Variants in TRIM2 observed in about 807,000 individuals in gnomAD.
TRIM2 encodes tripartite motif containing 2, also known as tripartite motif-containing protein 2.
Under a neutral mutation model 75.2 loss-of-function variants are expected in TRIM2, and 20 were observed. The observed-to-expected ratio is 0.27, with a 90% CI of 0.19 to 0.39. TRIM2 has a LOEUF of 0.39. Ranked by LOEUF, TRIM2 falls within the 10% of genes least tolerant of loss-of-function variation. The pLI is 1.00. For missense variants in TRIM2, 660 were observed against 990.8 expected, an observed-to-expected ratio of 0.67 and a Z score of 4.48; for synonymous variants, 373 against 388.3, an observed-to-expected ratio of 0.96 and a Z score of 0.46.
At chr4:153,272,181 C>T (rs568513180) in intron 2 of TRIM2, among the ~76,000 whole-genome samples, 12 of 152,152 alleles carry the variant, frequency 7.9e-5, no homozygotes, top group Non-Finnish European at 1.8e-4. Context: ...TGGAGTCGCA[C>T]TCTGTTGCCC....
At chr4:153,192,547 C>T (rs1055093655) in intron 1 of TRIM2, among the ~76,000 whole-genome samples, 4 of 144,882 alleles carry the variant, frequency 2.8e-5, no homozygotes, top group African/African-American at 5.2e-5. Flanking sequence ...GTCAAGTTTA[C>T]GGTGAGCCAT....
chr4:153,225,671 G>T (rs1165120318), intron 1 of TRIM2, among the ~76,000 whole-genome samples: 2 of 152,098 alleles, frequency 1.3e-5, no homozygotes. Context: ...AGATAAATAG[G>T]TAGAGAGGAA....
At chr4:153,292,416 A>C (rs903646476) in intron 3 of TRIM2, among the ~76,000 whole-genome samples, 2 of 152,182 alleles carry the variant, frequency 1.3e-5, no homozygotes, top group Admixed American at 1.3e-4. Flanking sequence ...ATACTTTAAA[A>C]TTTTTATCCG....
chr4:153,257,500 TTC>T (rs1752350437), intron 1 of TRIM2: 10 of 1,277,344 alleles, frequency 7.8e-6, no homozygotes, highest in Admixed American at 4.8e-5. Context: ...ACTTCCAGCC[TTC>T]TCTCATTTCC....
intron 11 of TRIM2, among the ~76,000 whole-genome samples, chr4:153,331,356 A>G (rs1285983197): frequency 6.6e-6 from 1 of 152,192 alleles, no homozygotes; most frequent in Non-Finnish European, 1.5e-5. Flanking sequence ...ATATTTTTAT[A>G]AACTAGCAAC....
chr4:153,337,616 A>G lies in TRIM2; in HGVS notation c.*2650A>G, dbSNP rs1046401352. 1 of 985,708 alleles carries G rather than the reference A, an allele frequency of 1.0e-6. No individual in the cohort carries two copies. Among genetic ancestry groups the G allele is most frequent in the African/African-American group, 1.7e-5 (1 of 57,240 alleles). 61.1% of individuals were successfully genotyped at this position (985,708 alleles called of 1,614,324 possible). A position where few individuals can be genotyped will look rare whatever the true frequency, so the allele number is the denominator to read the frequency against. On this transcript the variant is annotated 3_prime_UTR_variant, in exon 12 of 12. Coordinates refer to ENST00000338700, the MANE Select transcript of TRIM2 (RefSeq NM_015271.5). ...CTTGGTAAGCATATTTTTGGGGGAA[A>G]GTGCTGCTGATATGATACAAGTAGA...
chr4:153,181,866 C>T (rs1337738607), intron 1 of TRIM2, among the ~76,000 whole-genome samples: 3 of 152,092 alleles, frequency 2.0e-5, no homozygotes, highest in Admixed American at 6.5e-5. Context: ...TGTGCCAGGG[C>T]GGGTGCCTCA....
Position 153,270,528 on chromosome 4 carries a change from C to T in TRIM2, c.215+9C>T. 2.5e-6 allele frequency: 4 copies of T among 1,591,668 alleles called. No homozygotes were observed. The highest frequency in any genetic ancestry group is 3.4e-6 in the Non-Finnish European group (4 of 1,167,508). ...CACACTTTCTGCGAGAGGTAAGCCT[C>T]CTTTGTGCTTGGAGAAGGGAGTTTC... On this transcript the variant is annotated intron_variant, in intron 2 of 11. Transcript: ENST00000338700.
intron 8 of TRIM2, among the ~76,000 whole-genome samples, chr4:153,316,237 T>G (rs1767555417): frequency 6.6e-6 from 1 of 152,214 alleles, no homozygotes; most frequent in Non-Finnish European, 1.5e-5. Flanking sequence ...CAGTCACTTT[T>G]TTTCTTTAAA....
intron 2 of TRIM2, among the ~76,000 whole-genome samples, chr4:153,274,593 G>A (rs1757607722): frequency 6.6e-6 from 1 of 152,186 alleles, no homozygotes; most frequent in African/African-American, 2.4e-5. Flanking sequence ...GATGCTTGTA[G>A]CCACACCTGT....
intron 1 of TRIM2, among the ~76,000 whole-genome samples, chr4:153,207,803 T>C (rs1370820426): frequency 1.3e-5 from 2 of 152,220 alleles, no homozygotes; most frequent in African/African-American, 4.8e-5. Context: ...CACGGTTTTC[T>C]ATCTGTCCTG....
At chr4:153,221,911 G>GGGAGGAAGGA (rs1740359873) in intron 1 of TRIM2, among the ~76,000 whole-genome samples, 18 of 45,096 alleles carry the variant, frequency 4.0e-4, no homozygotes, top group African/African-American at 1.1e-3. Flanking sequence ...GGAAGGAAGG[G>GGGAGGAAGGA]AGGGAGGGAG....
At chr4:153,251,381 A>G (rs1390219191) in intron 1 of TRIM2, among the ~76,000 whole-genome samples, 1 of 152,240 alleles carries the variant, frequency 6.6e-6, no homozygotes, top group East Asian at 1.9e-4. Context: ...GAACTGTGAA[A>G]TCCATCATAA....
At chr4:153,329,888 G>A (rs1301247146) in intron 11 of TRIM2, among the ~76,000 whole-genome samples, 2 of 150,976 alleles carry the variant, frequency 1.3e-5, no homozygotes, top group Non-Finnish European at 3.0e-5. Flanking sequence ...AAGCAATAGG[G>A]AAAATCCATG....
At chr4:153,175,894 G>C (rs1731384270) in intron 1 of TRIM2, among the ~76,000 whole-genome samples, 1 of 152,096 alleles carries the variant, frequency 6.6e-6, no homozygotes. Context: ...TCAGAGTAAA[G>C]GGGCCGCCGA....
rs1385884410 is a variant in TRIM2, at chr4:153,337,878, C to T, written c.*2912C>T. ...GTTGGGATTTCAAGGTCAGTGACGA[C>T]GCATTTCCTCCCAGTACAGACCCCC... On this transcript the variant is annotated 3_prime_UTR_variant, in exon 12 of 12. Coordinates refer to ENST00000338700, the MANE Select transcript of TRIM2 (RefSeq NM_015271.5). 4.1e-6 allele frequency: 4 copies of T among 985,774 alleles called. No individual in the cohort carries two copies. The South Asian group carries it at 1.4e-4, about 35-fold the overall frequency. The allele number at this position is 985,774 out of a possible 1,614,324, so 61.1% of individuals were successfully genotyped here. A position where few individuals can be genotyped will look rare whatever the true frequency, so the allele number is the denominator to read the frequency against.
At chr4:153,152,333 C>T (rs1728801130), upstream of TRIM2, 1 of 151,516 alleles carries the variant, frequency 6.6e-6, no homozygotes. Context: ...GGAGTCGGGG[C>T]ACTCGGGGCC....
chr4:153,252,431 A>T (rs1440553973), intron 1 of TRIM2, among the ~76,000 whole-genome samples: 1 of 152,188 alleles, frequency 6.6e-6, no homozygotes, highest in Admixed American at 6.5e-5. Context: ...TACCTTTCTA[A>T]ATCTCAATTT....
chr4:153,287,916 G>A (rs1761010392), intron 3 of TRIM2, among the ~76,000 whole-genome samples: 1 of 151,968 alleles, frequency 6.6e-6, no homozygotes, highest in Non-Finnish European at 1.5e-5. Context: ...TATCAAATCA[G>A]GTCAGCTTGC....
Sources: gnomAD v4.1 joint callset for allele counts (sites outside exome capture counted in the v4.1 genomes callset) on GRCh38, gnomAD v4.1.1 for gene constraint, MANE v1.5 for transcripts, NCBI Gene and HGNC (gene_info 2026-07-23, HGNC 2026-07-21) for gene names.